PIEZO2: variants seen among roughly 807,000 people sequenced by gnomAD.
PIEZO2 encodes piezo-type mechanosensitive ion channel component 2.
A neutral mutation model predicts 337.3 loss-of-function variants in PIEZO2; 172 were observed. The ratio of observed to expected loss-of-function variants is 0.51; its 90% confidence interval spans 0.45 to 0.58. The LOEUF (loss-of-function observed/expected upper bound fraction) is 0.58, where lower values mean the gene tolerates loss of function less well. Ranked by LOEUF, PIEZO2 falls within the 20% of genes least tolerant of loss-of-function variation. PIEZO2 has a pLI of 0.00. For synonymous variants in PIEZO2, 1,251 were observed against 1,228.5 expected, an observed-to-expected ratio of 1.02 and a Z score of -0.38; for missense variants, 3,028 against 3,391.3, an observed-to-expected ratio of 0.89 and a Z score of 2.66.
chr18:10,979,455 T>C lies in PIEZO2; in HGVS notation c.286+80A>G. On this transcript the variant is annotated intron_variant, in intron 3 of 55. Transcript: ENST00000674853. The surrounding 1 kb of genome is among the most constrained non-coding windows in gnomAD (Gnocchi z 4.0). ...TAATTATTGCATAGATTTCTATGTG[T>C]GCGATGACACACAGCTTTATTATGC... 7.8e-7 allele frequency: 1 copy of C among 1,276,506 alleles called. No homozygotes were observed. The highest frequency in any genetic ancestry group is 1.0e-6 in the Non-Finnish European group (1 of 990,034). The allele number at this position is 1,276,506 out of a possible 1,614,324, so 79.1% of individuals were successfully genotyped here.
At chr18:10,814,143 A>AT (rs765895848) in intron 7 of PIEZO2, among the ~76,000 whole-genome samples, 10 of 151,462 alleles carry the variant, frequency 6.6e-5, no homozygotes, top group East Asian at 3.9e-4. Context: ...AATTTTTTGT[A>AT]TTTTTTTAGT....
chr18:10,893,288 T>G (rs1166286475), intron 4 of PIEZO2, among the ~76,000 whole-genome samples: 1 of 152,196 alleles, frequency 6.6e-6, no homozygotes, highest in Non-Finnish European at 1.5e-5. Context: ...TGCCTACACA[T>G]TTGAACAGTG....
Position 10,726,565 on chromosome 18 carries a change from C to G in PIEZO2, c.5029+4842G>C, listed in dbSNP as rs1368697261. The G allele has an allele frequency of 3.5e-6, 5 of 1,410,906 alleles. No individual in the cohort carries two copies. The highest frequency in any genetic ancestry group is 4.7e-6 in the Non-Finnish European group (5 of 1,063,376). 87.4% of individuals were successfully genotyped at this position (1,410,906 alleles called of 1,614,324 possible). A position where few individuals can be genotyped will look rare whatever the true frequency, so the allele number is the denominator to read the frequency against. ...CTACACCAGCCGCCACGCTGTGCGT[C>G]TGTCCTTCCGCCAGCTCTTCCAGGA... is the stretch of plus-strand genomic sequence containing the variant. On this transcript the variant is annotated intron_variant, in intron 36 of 55. Coordinates refer to ENST00000674853, the MANE Select transcript of PIEZO2 (RefSeq NM_001378183.1). This position sits in a 1 kb window ranked among gnomAD's most constrained non-coding sequence, Gnocchi z 5.9.
At chr18:10,680,513 GTGTTCCAT>G (rs2034217838) in intron 51 of PIEZO2, 142 bp from the exon 52 acceptor site, 2 of 811,064 alleles carry the variant, frequency 2.5e-6, no homozygotes, top group African/African-American at 3.5e-5. Flanking sequence ...ATGGTCTTGA[GTGTTCCAT>G]TGCACTAATT....
At chr18:11,019,226 T>G (rs1598837395) in intron 2 of PIEZO2, among the ~76,000 whole-genome samples, 2 of 152,194 alleles carry the variant, frequency 1.3e-5, no homozygotes, top group South Asian at 4.1e-4. Context: ...GATCATGAAC[T>G]TTTCATATGG....
chr18:10,806,449 G>T (rs1468621185), intron 8 of PIEZO2, among the ~76,000 whole-genome samples: 1 of 152,136 alleles, frequency 6.6e-6, no homozygotes, highest in Non-Finnish European at 1.5e-5. Flanking sequence ...CCTCAGAAAT[G>T]CTGTGTCCTT....
chr18:10,741,596 C>T (rs1190528042), intron 32 of PIEZO2, among the ~76,000 whole-genome samples: 1 of 152,126 alleles, frequency 6.6e-6, no homozygotes, highest in East Asian at 1.9e-4. Context: ...TGCATTATTT[C>T]TCCCTTCCAT....
At chr18:11,050,935 C>T (rs372227671) in intron 2 of PIEZO2, among the ~76,000 whole-genome samples, 52 of 151,576 alleles carry the variant, frequency 3.4e-4, no homozygotes, top group African/African-American at 9.9e-4. Flanking sequence ...CAGAAACCTA[C>T]CCCTTTCAAA....
Position 11,111,707 on chromosome 18 carries a change from C to T in PIEZO2, c.64+36818G>A, listed in dbSNP as rs2039742226. 6.6e-6 allele frequency among the ~76,000 whole-genome samples: 1 copy of T among 152,226 alleles called. No individual in the cohort carries two copies. The highest frequency in any genetic ancestry group is 2.4e-5 in the African/African-American group (1 of 41,456). ...ATTGAAGTCGACAAGGCTTCTTGAA[C>T]TGACACCGTCACACCCTCGGGGAAT... On this transcript the variant is annotated intron_variant, in intron 1 of 55. Transcript: ENST00000674853. This position sits in a 1 kb window ranked among gnomAD's most constrained non-coding sequence, Gnocchi z 6.2.
chr18:10,747,792 G>T (rs776397406), intron 30 of PIEZO2, among the ~76,000 whole-genome samples: 1 of 152,150 alleles, frequency 6.6e-6, no homozygotes, highest in Admixed American at 6.5e-5. Flanking sequence ...TCTGAACTTC[G>T]AGTCAAATGA....
chr18:10,783,867 C>T lies in PIEZO2; in HGVS notation c.2492+917G>A, dbSNP rs994163705. Among the ~76,000 whole-genome samples, 2 of 152,202 alleles carry T rather than the reference C, an allele frequency of 1.3e-5. No homozygotes were observed. The highest frequency in any genetic ancestry group is 2.9e-5 in the Non-Finnish European group (2 of 68,032). On this transcript the variant is annotated intron_variant, in intron 17 of 55. Transcript: ENST00000674853. This position sits in a 1 kb window ranked among gnomAD's most constrained non-coding sequence, Gnocchi z 4.3. ...TAACTCTAGTTCCTACACAGCAGAA[C>T]GCTGGAAGTTTGGCATTTTACGAAA... is the stretch of plus-strand genomic sequence containing the variant.
In PIEZO2 at chr18:11,096,855, G is replaced by A. The variant is rs139572348; in HGVS notation, c.65-30633C>T. Among the ~76,000 whole-genome samples the A allele has an allele frequency of 1.6e-4, 25 of 152,278 alleles. No individual in the cohort carries two copies. The highest frequency in any genetic ancestry group is 5.8e-4 in the African/African-American group (24 of 41,568). On this transcript the variant is annotated intron_variant, in intron 1 of 55. Transcript: ENST00000674853. This position sits in a 1 kb window ranked among gnomAD's most constrained non-coding sequence, Gnocchi z 4.6. ...CAAAATGGGAACAACATGGACTTCAGGGGGGTGGTACCACAGTGGCAGAGA... is the reference window on the plus strand; with the variant it reads ...CAAAATGGGAACAACATGGACTTCAAGGGGGTGGTACCACAGTGGCAGAGA...
At chr18:10,679,815 A>G (rs976373907) in intron 52 of PIEZO2, among the ~76,000 whole-genome samples, 2 of 152,260 alleles carry the variant, frequency 1.3e-5, no homozygotes, top group Non-Finnish European at 2.9e-5. Flanking sequence ...ATTTTGCATT[A>G]TAGTAAGAAA....
intron 3 of PIEZO2, among the ~76,000 whole-genome samples, chr18:10,927,791 C>G (rs759137715): frequency 1.3e-5 from 2 of 152,138 alleles, no homozygotes; most frequent in Non-Finnish European, 2.9e-5. Context: ...GCAAGCCAGA[C>G]TAGTGCTGTC....
chr18:10,874,052 A>G (rs1454318568), intron 4 of PIEZO2, among the ~76,000 whole-genome samples: 1 of 152,200 alleles, frequency 6.6e-6, no homozygotes, highest in Non-Finnish European at 1.5e-5. Context: ...ATTGGAAAAA[A>G]TATTTGCAAA....
chr18:10,907,439 G>A (rs1165038377), intron 4 of PIEZO2, among the ~76,000 whole-genome samples: 1 of 131,944 alleles, frequency 7.6e-6, no homozygotes, highest in East Asian at 2.1e-4. Context: ...GCAAGACTCT[G>A]TCTCAAAAAA....
At position 10,795,035 on chromosome 18, in the gene PIEZO2, G is replaced by A. The variant is rs1302298575; in HGVS notation, c.1528-33C>T. On this transcript the variant is annotated intron_variant, in intron 12 of 55. Transcript: ENST00000674853. The surrounding 1 kb of genome is among the most constrained non-coding windows in gnomAD (Gnocchi z 4.4). ...GGACAGAAAAGGAAACACGACCATG[G>A]TCAATACAATGCTCAGTCCCCCCCG... 1.3e-6 allele frequency: 2 copies of A among 1,513,726 alleles called. No individual in the cohort carries two copies. Among genetic ancestry groups the A allele is most frequent in the Non-Finnish European group, 8.9e-7 (1 of 1,119,546 alleles). The allele number at this position is 1,513,726 out of a possible 1,614,324, so 93.8% of individuals were successfully genotyped here.
intron 4 of PIEZO2, among the ~76,000 whole-genome samples, chr18:10,909,579 T>C (rs1273597793): frequency 1.3e-5 from 2 of 152,200 alleles, no homozygotes; most frequent in African/African-American, 2.4e-5. Context: ...CTGACCTATG[T>C]AGGGATGAAA....
intron 2 of PIEZO2, among the ~76,000 whole-genome samples, chr18:11,017,553 T>G (rs2036160330): frequency 1.3e-5 from 2 of 151,730 alleles, no homozygotes; most frequent in African/African-American, 4.8e-5. Context: ...TCTATTTCAA[T>G]CATTCCAGGG....
Sources: gnomAD v4.1 joint callset for allele counts (sites outside exome capture counted in the v4.1 genomes callset) on GRCh38, gnomAD v4.1.1 for gene constraint, Gnocchi (gnomAD v3.1) non-coding constraint, MANE v1.5 for transcripts, NCBI Gene and HGNC (gene_info 2026-07-23, HGNC 2026-07-21) for gene names.